The following TOP2B variants were observed in gnomAD, a reference collection of about 807,000 sequenced individuals.
TOP2B encodes DNA topoisomerase II beta.
Under a neutral mutation model 193.5 loss-of-function variants are expected in TOP2B, and 51 were observed. The ratio of observed to expected loss-of-function variants is 0.26; its 90% CI spans 0.21 to 0.33. The LOEUF is 0.33. Among genes scored for constraint, TOP2B ranks in the 10% least tolerant of loss-of-function variants. The pLI is 1.00. For missense variants in TOP2B, 1,378 were observed against 1,909.3 expected (o/e 0.72, Z 5.19); for synonymous variants, 634 against 635.7 (o/e 1.00, Z 0.04).
chr3:25,635,391 G>T (rs1214191395), intron 7 of TOP2B, among the ~76,000 whole-genome samples: 1 of 152,174 alleles, frequency 6.6e-6, no homozygotes, highest in Non-Finnish European at 1.5e-5. Context: ...AACAGAGTAA[G>T]TATCTCACAG....
chr3:25,613,591 G>A (rs1405886536), intron 27 of TOP2B, among the ~76,000 whole-genome samples: 1 of 152,062 alleles, frequency 6.6e-6, no homozygotes, highest in Admixed American at 6.5e-5. Flanking sequence ...AAATTAGCCA[G>A]ATGTGGTGGC....
At chr3:25,642,466 C>T (rs1347317299) in intron 3 of TOP2B, 81 bp from the exon 4 acceptor site, 1 of 758,356 alleles carries the variant, frequency 1.3e-6, no homozygotes, top group Admixed American at 2.8e-5. Context: ...TGCATCACTG[C>T]TTAATATAAA....
At chr3:25,604,287 T>TA (rs111726664) in intron 33 of TOP2B, among the ~76,000 whole-genome samples, 58 of 152,308 alleles carry the variant, frequency 3.8e-4, no homozygotes, top group African/African-American at 1.4e-3. Flanking sequence ...TATATCTTGG[T>TA]ACTAGTAAGA....
In TOP2B at chr3:25,624,284, A is replaced by T; in HGVS notation, c.2495+13T>A. 1 of 1,613,196 alleles carries T rather than the reference A, an allele frequency of 6.2e-7. No homozygotes were observed. Among genetic ancestry groups the T allele is most frequent in the Non-Finnish European group, 8.5e-7 (1 of 1,179,552 alleles). On this transcript the variant is annotated intron_variant, in intron 20 of 35. Coordinates refer to ENST00000264331, the MANE Select transcript of TOP2B (RefSeq NM_001330700.2). ...AAATCAAACTTTATACCATTATATCAGCAAATATTTACCTTAACATTGTGA... is the reference window on the plus strand; with the variant it reads ...AAATCAAACTTTATACCATTATATCTGCAAATATTTACCTTAACATTGTGA...
intron 28 of TOP2B, among the ~76,000 whole-genome samples, chr3:25,611,809 T>C (rs1702378033): frequency 2.0e-5 from 3 of 152,172 alleles, no homozygotes; most frequent in Admixed American, 1.3e-4. Context: ...AAACAGACCC[T>C]TTCCCACTCT....
chr3:25,663,099 C>G (rs1703965356), intron 1 of TOP2B, among the ~76,000 whole-genome samples: 1 of 152,246 alleles, frequency 6.6e-6, no homozygotes, highest in African/African-American at 2.4e-5. Flanking sequence ...AAGAGCATGG[C>G]AAGTTATTTT....
At chr3:25,604,709 A>T in intron 33 of TOP2B, 51 bp downstream of exon 33, 1 of 1,348,456 alleles carries the variant, frequency 7.4e-7, no homozygotes, top group Non-Finnish European at 1.0e-6. Context: ...ATTTCCTTTT[A>T]CATTAACTAT....
intron 28 of TOP2B, among the ~76,000 whole-genome samples, chr3:25,612,036 G>A (rs949591295): frequency 3.3e-5 from 5 of 151,766 alleles, no homozygotes; most frequent in Non-Finnish European, 7.4e-5. Flanking sequence ...TCCGCCTCCC[G>A]GGTTCGCACC....
chr3:25,599,163 G>C (rs192652666), intron 35 of TOP2B, among the ~76,000 whole-genome samples: 1 of 152,248 alleles, frequency 6.6e-6, no homozygotes, highest in African/African-American at 2.4e-5. Context: ...TAGTCTGAAA[G>C]AGTCTAATAT....
At position 25,630,450 on chromosome 3, in the gene TOP2B, C is replaced by A. The variant is rs746161334; in HGVS notation, c.1425G>T (p.Glu475Asp). 213 of 1,545,160 alleles carry A rather than the reference C, an allele frequency of 1.4e-4. No individual in the cohort carries two copies. The highest frequency in any genetic ancestry group is 8.4e-4 in the Middle Eastern group (5 of 5,974). Reference sequence around the variant, plus strand: ...CTCCCTCTGTTAATATCAGTGTACACTCCAGGGAATGTTTACCACCTGAGA... The same window carrying A: ...CTCCCTCTGTTAATATCAGTGTACAATCCAGGGAATGTTTACCACCTGAGA... ...ANDAGGKHSL[E>D]CTLILTEGDS... Residue 475 changes from glutamate (E) to aspartate (D), a missense_variant, in exon 12 of 36, where the codon GAG (glutamate) becomes GAT (aspartate). This residue lies in a region of TOP2B where 66 missense variants were observed against 153.3 expected (regional missense o/e 0.43). Transcript: ENST00000264331.
intron 35 of TOP2B, 135 bp downstream of exon 35, chr3:25,599,300 C>T: frequency 1.4e-6 from 1 of 693,178 alleles, no homozygotes; most frequent in Non-Finnish European, 2.4e-6. Flanking sequence ...ATTTCTTAAC[C>T]AAATACAAGC....
intron 15 of TOP2B, among the ~76,000 whole-genome samples, chr3:25,627,539 G>A (rs1323619785): frequency 6.6e-6 from 1 of 152,070 alleles, no homozygotes; most frequent in Non-Finnish European, 1.5e-5. Context: ...TCACGCCTCT[G>A]ATTTAACCAT....
chr3:25,605,985 T>C (rs2125346939), intron 32 of TOP2B, 58 bp downstream of exon 32: 2 of 979,130 alleles, frequency 2.0e-6, no homozygotes, highest in Non-Finnish European at 2.8e-6. Flanking sequence ...TTTACTGTTT[T>C]CTCTCCACCA....
At chr3:25,604,960 G>T in intron 32 of TOP2B, 90 bp from the exon 33 acceptor site, 1 of 833,822 alleles carries the variant, frequency 1.2e-6, no homozygotes, top group Non-Finnish European at 2.0e-6. Context: ...CTTCCCTTTA[G>T]CTAGACAATT....
intron 13 of TOP2B, 29 bp from the exon 14 acceptor site, chr3:25,629,174 G>T (rs1053860646): frequency 7.0e-7 from 1 of 1,424,292 alleles, no homozygotes. Context: ...AGTAAAAAAT[G>T]TTGTAATACT....
chr3:25,632,409 T>A, intron 10 of TOP2B, 37 bp downstream of exon 10: 1 of 1,502,204 alleles, frequency 6.7e-7, no homozygotes, highest in Non-Finnish European at 8.9e-7. Context: ...AATCAACTCT[T>A]AATAACAACA....
chr3:25,599,576 T>C, intron 34 of TOP2B, 47 bp from the exon 35 acceptor site: 3 of 1,526,330 alleles, frequency 2.0e-6, no homozygotes, highest in Non-Finnish European at 2.7e-6. Flanking sequence ...AAGTGCAATA[T>C]AAAAAGATAA....
intron 25 of TOP2B, chr3:25,618,216 T>C (rs1702562594): frequency 7.7e-6 from 4 of 521,604 alleles, no homozygotes; most frequent in Non-Finnish European, 1.4e-5. Flanking sequence ...TGAGTCACAC[T>C]GGCCAAGTGC....
chr3:25,626,994 T>C (rs184487896), intron 16 of TOP2B, 130 bp from the exon 17 acceptor site: 7 of 719,112 alleles, frequency 9.7e-6, no homozygotes, highest in Non-Finnish European at 1.6e-5. Flanking sequence ...AATATTTTAA[T>C]CAAAAACACA....
Sources: allele counts gnomAD v4.1 joint callset (sites outside exome capture counted in the v4.1 genomes callset), GRCh38; gene constraint gnomAD v4.1.1; regional missense constraint gnomAD v4.1.1; transcripts MANE v1.5; gene names NCBI Gene and HGNC (gene_info 2026-07-23, HGNC 2026-07-21).